Variants in DNAH12 observed in about 807,000 individuals in gnomAD.
DNAH12 encodes the protein dynein axonemal heavy chain 12.
DNAH12 carries 285 observed loss-of-function variants against 371.5 expected under a neutral mutation model. The ratio of observed to expected loss-of-function variants is 0.77; its 90% CI spans 0.70 to 0.85. The LOEUF (loss-of-function observed/expected upper bound fraction) is 0.85. Ranked by LOEUF, DNAH12 falls within the 40% of genes least tolerant of loss-of-function variation. DNAH12 has a pLI of 0.00. For synonymous variants in DNAH12, 1,200 were observed against 1,213.0 expected (o/e 0.99, Z 0.22); for missense variants, 3,611 against 3,689.4 (o/e 0.98, Z 0.55).
At chr3:57,530,027 T>C (rs1011736627) in intron 2 of DNAH12, among the ~76,000 whole-genome samples, 5 of 152,144 alleles carry the variant, frequency 3.3e-5, no homozygotes, top group East Asian at 3.8e-4. Context: ...TTAATTTCCA[T>C]CTGTTTGTAT....
chr3:57,394,116 G>A (rs1196545457), intron 44 of DNAH12, 55 bp downstream of exon 44: 1 of 152,124 alleles, frequency 6.6e-6, no homozygotes, highest in Non-Finnish European at 1.5e-5. Flanking sequence ...CAGAGAAACA[G>A]TTTCAAGAAA....
At chr3:57,549,219 TA>T (rs1361403646), upstream of DNAH12, among the ~76,000 whole-genome samples, 1 of 151,464 alleles carries the variant, frequency 6.6e-6, no homozygotes, top group African/African-American at 2.4e-5. Flanking sequence ...TATTTTTAAT[TA>T]AAAAATTTAA....
At chr3:57,343,488 A>C (rs2153316094) in intron 60 of DNAH12, among the ~76,000 whole-genome samples, 1 of 152,338 alleles carries the variant, frequency 6.6e-6, no homozygotes, top group South Asian at 2.1e-4. Flanking sequence ...GTCTCAGCAA[A>C]CCAGGGGCAC....
At chr3:57,369,315 TTATA>T (rs1248965397) in intron 55 of DNAH12, among the ~76,000 whole-genome samples, 3 of 143,298 alleles carry the variant, frequency 2.1e-5, no homozygotes, top group Admixed American at 7.3e-5. Flanking sequence ...ATATTATAAA[TTATA>T]TATATTTAAT....
chr3:57,382,683 C>T (rs1423702608), intron 49 of DNAH12, among the ~76,000 whole-genome samples: 1 of 152,052 alleles, frequency 6.6e-6, no homozygotes, highest in Non-Finnish European at 1.5e-5. Flanking sequence ...TTCACATATA[C>T]AATCACATAC....
chr3:57,529,569 A>G (rs1434238429), intron 2 of DNAH12, among the ~76,000 whole-genome samples: 2 of 152,128 alleles, frequency 1.3e-5, no homozygotes, highest in African/African-American at 4.8e-5. Context: ...TTTCTGCAGT[A>G]TCAATTGTAA....
rs1171501326 is a variant in DNAH12 at position 57,415,541 on chromosome 3, G to A, written c.5738C>T (p.Thr1913Met). 6 of 1,543,936 alleles carry A rather than the reference G, an allele frequency of 3.9e-6. No homozygotes were observed. The highest frequency in any genetic ancestry group is 4.9e-5 in the East Asian group (2 of 40,810). ...CACATACACAGATTTTCCTGTACCC[G>A]TTGGACCCACAAAAAGGAGTGGCCT... The part of the protein sequence containing the change: ...YAKPLLFVGP[T>M]GTGKSVYVKD... The change falls in exon 38 of 74, where the codon ACG becomes ATG. Residue 1913 changes from threonine to methionine, a missense_variant. By Grantham distance (81) the Thr-to-Met change is moderately conservative. Coordinates refer to ENST00000495027, the MANE Select transcript of DNAH12 (RefSeq NM_001366028.2).
chr3:57,527,842 G>A (rs985450624), intron 2 of DNAH12, among the ~76,000 whole-genome samples: 6 of 152,104 alleles, frequency 3.9e-5, no homozygotes, highest in Non-Finnish European at 7.4e-5. Flanking sequence ...GTCTCATCAT[G>A]TTGTTATTTC....
At chr3:57,540,750 C>T (rs2069243398) in intron 2 of DNAH12, among the ~76,000 whole-genome samples, 1 of 151,856 alleles carries the variant, frequency 6.6e-6, no homozygotes, top group Non-Finnish European at 1.5e-5. Context: ...GGCAACATGG[C>T]GAAACCATGT....
At chr3:57,530,153 A>G (rs908322635) in intron 2 of DNAH12, among the ~76,000 whole-genome samples, 3 of 152,046 alleles carry the variant, frequency 2.0e-5, no homozygotes, top group Non-Finnish European at 4.4e-5. Context: ...AAATTTTTTG[A>G]ATGTTTAAGC....
chr3:57,386,340 G>A (rs1198023802), intron 47 of DNAH12, 101 bp downstream of exon 47: 1 of 152,124 alleles, frequency 6.6e-6, no homozygotes, highest in Admixed American at 6.5e-5. Context: ...ACATAACAAA[G>A]AGCCTGGCAT....
At chr3:57,370,374 T>G (rs2063145638) in intron 55 of DNAH12, among the ~76,000 whole-genome samples, 2 of 152,176 alleles carry the variant, frequency 1.3e-5, no homozygotes, top group African/African-American at 4.8e-5. Flanking sequence ...CTCACAACAT[T>G]TCTATGAAGT....
chr3:57,418,581 A>C (rs973413034), intron 37 of DNAH12, among the ~76,000 whole-genome samples: 4 of 151,704 alleles, frequency 2.6e-5, no homozygotes, highest in African/African-American at 7.3e-5. Flanking sequence ...AATGTCACAG[A>C]ATTGGCAATT....
chr3:57,504,840 ATTCTTTTTTCTT>A (rs897231290), intron 8 of DNAH12, among the ~76,000 whole-genome samples: 1 of 151,804 alleles, frequency 6.6e-6, no homozygotes, highest in Non-Finnish European at 1.5e-5. Flanking sequence ...TTATTCATTC[ATTCTTTTTTCTT>A]TTCTTTTTTT....
chr3:57,501,564 T>G (rs2067547078), intron 10 of DNAH12, 152 bp from the exon 11 acceptor site: 1 of 572,262 alleles, frequency 1.7e-6, no homozygotes, highest in East Asian at 3.5e-5. Flanking sequence ...TTTAAGAAAA[T>G]GGGTAGAATA....
Position 57,523,585 on chromosome 3 carries a change from C to T in DNAH12, c.277G>A (p.Gly93Arg). 2.6e-6 allele frequency: 4 copies of T among 1,556,542 alleles called. No homozygotes were observed. The highest frequency in any genetic ancestry group is 2.6e-6 in the Non-Finnish European group (3 of 1,148,450). Reference sequence around the variant, plus strand: ...GAAATATAAAAACTTGAACTCACTCCTTTTTTTTTCATTTCACTGGTCATC... The same window carrying T: ...GAAATATAAAAACTTGAACTCACTCTTTTTTTTTTCATTTCACTGGTCATC... ...QTMTSEMKKK[G>R]FNYIYMKQCV... is the part of the protein sequence containing the mutation. The change falls in exon 4 of 74, where the codon GGA becomes AGA. Residue 93 changes from glycine (G) to arginine (R), a missense_variant and splice_region_variant. Around this residue, in one of 3 missense-constraint regions of DNAH12, gnomAD observed 1,314 missense variants for 1,398.7 expected, o/e 0.94. Coordinates refer to ENST00000495027, the MANE Select transcript of DNAH12 (RefSeq NM_001366028.2).
At position 57,348,653 on chromosome 3, in the gene DNAH12, C is replaced by T. The variant is rs191478802; in HGVS notation, c.9674+3432G>A. ...CTGAAATTGCTCTACAAAATAAAGC[C>T]TTTTCAAAAAAAGGATGGGCAAGAT... is the stretch of plus-strand genomic sequence containing the variant. On this transcript the variant is annotated intron_variant, in intron 60 of 73. Transcript: ENST00000495027. Among the ~76,000 whole-genome samples the T allele has an allele frequency of 9.9e-4, 151 of 152,050 alleles. 2 individuals carry two copies. The highest frequency in any genetic ancestry group is 8.0e-3 in the Admixed American group (122 of 15,262).
chr3:57,508,347 G>C, intron 7 of DNAH12, 35 bp downstream of exon 7: 1 of 1,555,898 alleles, frequency 6.4e-7, no homozygotes, highest in Non-Finnish European at 8.6e-7. Context: ...CTCAAGCAAG[G>C]AGACATTCAA....
At chr3:57,302,567 A>ATATATATTTTTTTTT (rs2061380979) in intron 69 of DNAH12, among the ~76,000 whole-genome samples, 4 of 27,480 alleles carry the variant, frequency 1.5e-4, no homozygotes, top group East Asian at 6.9e-3. Flanking sequence ...ATATATATGT[A>ATATATATTTTTTTTT]TTTTTTTTTT....
Sources: allele counts gnomAD v4.1 joint callset (sites outside exome capture counted in the v4.1 genomes callset), GRCh38; gene constraint gnomAD v4.1.1; regional missense constraint gnomAD v4.1.1; transcripts MANE v1.5; gene names NCBI Gene and HGNC (gene_info 2026-07-23, HGNC 2026-07-21).